The following DNAH8 variants were observed in gnomAD, a reference collection of about 807,000 sequenced individuals.
The protein encoded by DNAH8 is axonemal beta dynein heavy chain 8.
DNAH8 carries 382 observed loss-of-function variants against 562.1 expected under a neutral mutation model. The observed-to-expected ratio is 0.68, with a 90% confidence interval of 0.63 to 0.74. The LOEUF (loss-of-function observed/expected upper bound fraction) is 0.74, where lower values mean the gene tolerates loss of function less well. Ranked by LOEUF, DNAH8 falls within the 30% of genes least tolerant of loss-of-function variation. The pLI, the probability that DNAH8 is intolerant of heterozygous loss-of-function variation, is 0.00. For missense variants in DNAH8, 5,203 were observed against 5,620.4 expected, an observed-to-expected ratio of 0.93 and a Z score of 2.37; for synonymous variants, 1,881 against 1,919.4, an observed-to-expected ratio of 0.98 and a Z score of 0.52.
chr6:39,012,193 T>G, intron 89 of DNAH8, 22 bp from the exon 90 acceptor site: 1 of 1,561,956 alleles, frequency 6.4e-7, no homozygotes, highest in South Asian at 1.2e-5. Flanking sequence ...TCTCCTTTAT[T>G]GCATTGTTTA....
At chr6:38,931,144 G>A (rs1227404305) in intron 75 of DNAH8, among the ~76,000 whole-genome samples, 5 of 152,080 alleles carry the variant, frequency 3.3e-5, no homozygotes, top group Admixed American at 3.3e-4. Flanking sequence ...TGTGATGGTG[G>A]CCTTAGTGAT....
chr6:38,799,479 A>G (rs1770586865), intron 21 of DNAH8, among the ~76,000 whole-genome samples: 1 of 151,834 alleles, frequency 6.6e-6, no homozygotes. Context: ...CTTCTCATTT[A>G]CAACCAGACT....
intron 80 of DNAH8, among the ~76,000 whole-genome samples, chr6:38,948,878 C>G (rs6924462): frequency 0.13 from 20,255 of 152,068 alleles, 1,628 homozygotes; most frequent in East Asian, 0.35. Context: ...GGTGGGGGAT[C>G]ACTAGGAAAA....
intron 10 of DNAH8, among the ~76,000 whole-genome samples, chr6:38,761,064 C>T (rs1284410157): frequency 3.6e-5 from 5 of 138,526 alleles, no homozygotes; most frequent in Non-Finnish European, 3.1e-5. Context: ...ATTTGCTCTT[C>T]ATTTTTTTTT....
intron 30 of DNAH8, among the ~76,000 whole-genome samples, chr6:38,831,476 G>T (rs982038531): frequency 6.7e-6 from 1 of 149,456 alleles, no homozygotes; most frequent in African/African-American, 2.5e-5. Context: ...CACTTAGGTT[G>T]TTCCTCTATC....
intron 75 of DNAH8, among the ~76,000 whole-genome samples, 159 bp downstream of exon 75, chr6:38,929,825 TGGTACGTC>T (rs1230760569): frequency 1.3e-5 from 2 of 152,174 alleles, no homozygotes; most frequent in African/African-American, 4.8e-5. Flanking sequence ...CAGTAGTATT[TGGTACGTC>T]GGAAATAAAC....
chr6:38,974,055 C>G (rs978409635), intron 84 of DNAH8, among the ~76,000 whole-genome samples: 5 of 152,164 alleles, frequency 3.3e-5, no homozygotes, highest in African/African-American at 1.2e-4. Flanking sequence ...GATCAATGTA[C>G]TTAGTTTATA....
At chr6:39,026,828 C>T (rs560057549) in intron 92 of DNAH8, among the ~76,000 whole-genome samples, 161 bp downstream of exon 92, 146 of 152,370 alleles carry the variant, frequency 9.6e-4, no homozygotes, top group African/African-American at 3.4e-3. Flanking sequence ...AAGCCTCCCC[C>T]ATCTGCCAGA....
intron 88 of DNAH8, among the ~76,000 whole-genome samples, chr6:39,001,897 C>T (rs1038733848): frequency 1.8e-4 from 27 of 151,934 alleles, no homozygotes; most frequent in African/African-American, 5.3e-4. Flanking sequence ...GTGGGGATGA[C>T]GGTGGGTCAC....
chr6:38,866,462 CAA>C (rs919420850), intron 45 of DNAH8, 127 bp from the exon 46 acceptor site: 28 of 645,130 alleles, frequency 4.3e-5, no homozygotes, highest in African/African-American at 1.8e-4. Flanking sequence ...TTTGAGAAAA[CAA>C]GAGTATTTTA....
intron 71 of DNAH8, among the ~76,000 whole-genome samples, chr6:38,921,762 C>T (rs1400874471): frequency 1.3e-5 from 2 of 152,262 alleles, no homozygotes; most frequent in South Asian, 2.1e-4. Flanking sequence ...GGGGCTTTCA[C>T]GCGCGTCCAT....
At chr6:38,744,305 C>T (rs1005146806) in intron 8 of DNAH8, 4 of 152,104 alleles carry the variant, frequency 2.6e-5, no homozygotes, top group Non-Finnish European at 5.9e-5. Context: ...GATCAAAACT[C>T]TTGTGCTGAT....
intron 49 of DNAH8, 45 bp from the exon 50 acceptor site, chr6:38,872,491 G>C (rs766063696): frequency 1.3e-6 from 2 of 1,590,256 alleles, no homozygotes; most frequent in Non-Finnish European, 1.7e-6. Context: ...ATGTCAGCAA[G>C]AGACTCATAA....
chr6:39,005,231 G>T (rs1176146517), intron 88 of DNAH8, among the ~76,000 whole-genome samples: 2 of 152,114 alleles, frequency 1.3e-5, no homozygotes, highest in African/African-American at 4.8e-5. Context: ...TGCCAAAATG[G>T]TGAAACCCCC....
intron 87 of DNAH8, among the ~76,000 whole-genome samples, chr6:38,986,938 G>A (rs1200044590): frequency 6.6e-6 from 1 of 152,228 alleles, no homozygotes; most frequent in Non-Finnish European, 1.5e-5. Context: ...ACTGCCATGA[G>A]GGCAGGGACT....
intron 91 of DNAH8, among the ~76,000 whole-genome samples, chr6:39,023,166 T>C (rs907547067): frequency 6.6e-6 from 1 of 152,170 alleles, no homozygotes; most frequent in African/African-American, 2.4e-5. Flanking sequence ...GCACCACTGA[T>C]GATTGAAATT....
chr6:38,827,024 T>C (rs1055826520), intron 29 of DNAH8, among the ~76,000 whole-genome samples: 3 of 152,200 alleles, frequency 2.0e-5, no homozygotes, highest in Non-Finnish European at 4.4e-5. Context: ...GCCATGTTGC[T>C]CCTGGAGGCT....
chr6:39,003,536 A>C (rs1765615157), intron 88 of DNAH8, among the ~76,000 whole-genome samples: 2 of 152,382 alleles, frequency 1.3e-5, no homozygotes, highest in South Asian at 4.1e-4. Context: ...CTCATCATAC[A>C]AAAATCCTAC....
intron 56 of DNAH8, among the ~76,000 whole-genome samples, chr6:38,884,774 A>G (rs764577007): frequency 3.9e-5 from 6 of 152,186 alleles, no homozygotes; most frequent in Non-Finnish European, 7.3e-5. Flanking sequence ...ATGAAAAACC[A>G]AACAACTATT....
Sources: gnomAD v4.1 joint callset for allele counts (sites outside exome capture counted in the v4.1 genomes callset) on GRCh38, gnomAD v4.1.1 for gene constraint, MANE v1.5 for transcripts, NCBI Gene and HGNC (gene_info 2026-07-23, HGNC 2026-07-21) for gene names.